Variants in ADGRB1 observed in about 807,000 individuals in gnomAD.
ADGRB1 encodes the protein brain-specific angiogenesis inhibitor 1.
Under a neutral mutation model 175.7 loss-of-function variants are expected in ADGRB1, and 36 were observed. That is an observed-to-expected ratio of 0.20 (90% CI 0.16 to 0.27). The LOEUF (loss-of-function observed/expected upper bound fraction) is 0.27. Ranked by LOEUF, ADGRB1 falls within the 10% of genes least tolerant of loss-of-function variation. The pLI is 1.00. For missense variants in ADGRB1, 1,731 were observed against 2,255.3 expected (o/e 0.77, Z 4.71); for synonymous variants, 1,054 against 979.4 (o/e 1.08, Z -1.42).
intron 1 of ADGRB1, among the ~76,000 whole-genome samples, chr8:142,451,101 C>T (rs1226670582): frequency 6.6e-6 from 1 of 152,158 alleles, no homozygotes; most frequent in Non-Finnish European, 1.5e-5. Flanking sequence ...GGAGCCCTCT[C>T]CCTAGGTCCC....
intron 24 of ADGRB1, among the ~76,000 whole-genome samples, chr8:142,529,631 T>A (rs1383502813): frequency 2.0e-5 from 3 of 148,462 alleles, no homozygotes; most frequent in Non-Finnish European, 4.5e-5. Context: ...TGCATACGTG[T>A]GAGCATGCAT....
rs770498129 is a variant in ADGRB1 at position 142,489,128 on chromosome 8, G to A, written c.2528+18G>A. On this transcript the variant is annotated intron_variant, in intron 15 of 30. Transcript: ENST00000517894. ...CTGCAGAGGTGGGGAGCCCTGGGCA[G>A]GTGGGGTGGGCAGTGCAGGGCAGGT... 6 of 1,594,534 alleles carry A rather than the reference G, an allele frequency of 3.8e-6. No homozygotes were observed. Among genetic ancestry groups the A allele is most frequent in the Non-Finnish European group, 5.1e-6 (6 of 1,173,324 alleles).
At chr8:142,459,235 G>A (rs953168208) in intron 1 of ADGRB1, among the ~76,000 whole-genome samples, 1 of 152,228 alleles carries the variant, frequency 6.6e-6, no homozygotes, top group Non-Finnish European at 1.5e-5. Flanking sequence ...CAAGGCATCT[G>A]ACGGAGAAGC....
rs1024310345 is a variant in ADGRB1 at position 142,490,945 on chromosome 8, G to T, written c.2675+130G>T. 8.9e-6 allele frequency: 11 copies of T among 1,231,876 alleles called. No individual in the cohort carries two copies. The African/African-American group carries it at 1.6e-4, about 18-fold the overall frequency. The allele number at this position is 1,231,876 out of a possible 1,614,324, so 76.3% of individuals were successfully genotyped here. ...CCCAGCTGTCTGTGTACCCGCATGG[G>T]CCTCCGTGTCACCACCTGTCACTCA... On this transcript the variant is annotated intron_variant, in intron 17 of 30. Transcript: ENST00000517894.
chr8:142,460,321 C>T (rs1265516090), intron 1 of ADGRB1, among the ~76,000 whole-genome samples: 1 of 152,220 alleles, frequency 6.6e-6, no homozygotes, highest in Non-Finnish European at 1.5e-5. Context: ...GGCCATCAGC[C>T]AAGACAACGG....
chr8:142,488,240 C>A, intron 13 of ADGRB1, 124 bp from the exon 14 acceptor site: 1 of 1,377,248 alleles, frequency 7.3e-7, no homozygotes, highest in South Asian at 1.3e-5. Context: ...GCCTCTGAGC[C>A]ATGGGCACCC....
intron 1 of ADGRB1, among the ~76,000 whole-genome samples, chr8:142,463,537 G>C (rs906933244): frequency 2.6e-5 from 4 of 152,358 alleles, no homozygotes; most frequent in South Asian, 4.1e-4. Context: ...AGAGAGGAGG[G>C]ACCAAGGTCA....
chr8:142,526,901 G>C (rs1048739170), intron 24 of ADGRB1, among the ~76,000 whole-genome samples: 7 of 152,232 alleles, frequency 4.6e-5, no homozygotes, highest in Non-Finnish European at 1.0e-4. Context: ...GGGACACCCC[G>C]CCTCTGCCTG....
intron 7 of ADGRB1, 46 bp from the exon 8 acceptor site, chr8:142,479,277 C>T (rs760251199): frequency 2.1e-6 from 3 of 1,447,876 alleles, no homozygotes; most frequent in Non-Finnish European, 2.7e-6. Flanking sequence ...CTCCTGGACC[C>T]TGCCCTTCTT....
In ADGRB1 at chr8:142,537,212, A is replaced by C. The variant is rs1490804693; in HGVS notation, c.3666+130A>C. 4.4e-6 allele frequency: 3 copies of C among 681,696 alleles called. No individual in the cohort carries two copies. Among genetic ancestry groups the C allele is most frequent in the Non-Finnish European group, 6.6e-6 (3 of 457,144 alleles). 42.2% of individuals were successfully genotyped at this position (681,696 alleles called of 1,614,324 possible). On this transcript the variant is annotated intron_variant, in intron 26 of 30. Transcript: ENST00000517894. The surrounding 1 kb of genome is among the most constrained non-coding windows in gnomAD (Gnocchi z 4.6). The stretch of plus-strand genomic sequence containing the variant: ...CCCTGCTGAGAGGAGCTCTGAACCC[A>C]GTGTGCAGTTGGGGAAACTGAGGCT...
At chr8:142,477,079 G>A (rs1296452628) in intron 4 of ADGRB1, 35 bp from the exon 5 acceptor site, 1 of 1,498,048 alleles carries the variant, frequency 6.7e-7, no homozygotes, top group Admixed American at 2.1e-5. Flanking sequence ...AGCCCCATGG[G>A]CGGCAGGCCT....
At chr8:142,452,141 C>G (rs1027816220) in intron 1 of ADGRB1, among the ~76,000 whole-genome samples, 2 of 152,218 alleles carry the variant, frequency 1.3e-5, no homozygotes, top group African/African-American at 4.8e-5. Flanking sequence ...CGCCCCACGC[C>G]CTCCCTTCGG....
chr8:142,544,443 G>A lies in ADGRB1; in HGVS notation c.*26G>A. 1.4e-6 allele frequency: 2 copies of A among 1,447,686 alleles called. No homozygotes were observed. The highest frequency in any genetic ancestry group is 1.8e-6 in the Non-Finnish European group (2 of 1,101,528). The allele number at this position is 1,447,686 out of a possible 1,614,324, so 89.7% of individuals were successfully genotyped here. A position where few individuals can be genotyped will look rare whatever the true frequency, so the allele number is the denominator to read the frequency against. Reference sequence around the variant, plus strand: ...GCGGGTGGGCGGCGGCCACGCACTGGGCCACGGAGGAGGGATGCTGCTCCG... The same window carrying A: ...GCGGGTGGGCGGCGGCCACGCACTGAGCCACGGAGGAGGGATGCTGCTCCG... On this transcript the variant is annotated 3_prime_UTR_variant, in exon 31 of 31. Transcript: ENST00000517894.
At chr8:142,497,390 A>C (rs1035746279) in intron 17 of ADGRB1, among the ~76,000 whole-genome samples, 1 of 151,054 alleles carries the variant, frequency 6.6e-6, no homozygotes, top group Non-Finnish European at 1.5e-5. Context: ...AAGGGGGGGG[A>C]AGCGGAAGGA....
At chr8:142,484,892 C>A in intron 13 of ADGRB1, 128 bp downstream of exon 13, 1 of 708,662 alleles carries the variant, frequency 1.4e-6, no homozygotes, top group Non-Finnish European at 2.3e-6. Context: ...CCCTCCCAGC[C>A]GATTTCTCAG....
Position 142,484,713 on chromosome 8 carries a change from G to A in ADGRB1, c.2257G>A (p.Gly753Ser), listed in dbSNP as rs377713355. The A allele has an allele frequency of 6.8e-6, 11 of 1,611,990 alleles. No individual in the cohort carries two copies. The highest frequency in any genetic ancestry group is 3.3e-5 in the Admixed American group (2 of 59,868). The change falls in exon 13 of 31, where the codon GGC (glycine) becomes AGC (serine). Residue 753 changes from glycine (G) to serine (S), a missense_variant. Transcript: ENST00000517894. Reference protein sequence around the residue: ...RLVEDFVDVIGFRMKDLRDAY... With the variant: ...RLVEDFVDVISFRMKDLRDAY... ...GGTGGAGGACTTTGTGGACGTCATC[G>A]GCTTCCGCATGAAGGACCTGAGGGA...
chr8:142,531,452 G>GCC (rs1844618456), intron 24 of ADGRB1, among the ~76,000 whole-genome samples: 1 of 152,232 alleles, frequency 6.6e-6, no homozygotes, highest in East Asian at 1.9e-4. Context: ...CCCAGGCGTG[G>GCC]GGTGCACAGG....
At chr8:142,519,199 A>G (rs529842082) in intron 19 of ADGRB1, among the ~76,000 whole-genome samples, 4 of 152,048 alleles carry the variant, frequency 2.6e-5, no homozygotes, top group African/African-American at 9.6e-5. Flanking sequence ...GGGGCTCTGA[A>G]CTCAGCTCTG....
At chr8:142,450,520 C>T (rs1839283629) in intron 1 of ADGRB1, among the ~76,000 whole-genome samples, 1 of 146,630 alleles carries the variant, frequency 6.8e-6, no homozygotes, top group Non-Finnish European at 1.5e-5. Context: ...TCTAAGGGAG[C>T]CCCCCATGGC....
Sources: gnomAD v4.1 joint callset for allele counts (sites outside exome capture counted in the v4.1 genomes callset) on GRCh38, gnomAD v4.1.1 for gene constraint, Gnocchi (gnomAD v3.1) non-coding constraint, MANE v1.5 for transcripts, NCBI Gene and HGNC (gene_info 2026-07-23, HGNC 2026-07-21) for gene names.